FMN1: variants seen among roughly 807,000 people sequenced by gnomAD.
FMN1 encodes formin-1.
Under a neutral mutation model 132.4 loss-of-function variants are expected in FMN1, and 110 were observed. The observed-to-expected ratio is 0.83, with a 90% CI of 0.71 to 0.97. The LOEUF is 0.97. Among genes scored for constraint, FMN1 ranks in the 50% least tolerant of loss-of-function variants. The pLI is 0.00. For synonymous variants in FMN1, 722 were observed against 651.7 expected (o/e 1.11, Z -1.64); for missense variants, 1,792 against 1,705.3 (o/e 1.05, Z -0.90).
At chr15:32,967,974 A>G (rs2031400606) in intron 8 of FMN1, among the ~76,000 whole-genome samples, 1 of 152,372 alleles carries the variant, frequency 6.6e-6, no homozygotes, top group South Asian at 2.1e-4. Flanking sequence ...GCTCAGAAAT[A>G]AGGCAGAACA....
chr15:33,000,119 G>A (rs1038234891), intron 7 of FMN1, among the ~76,000 whole-genome samples: 1 of 152,178 alleles, frequency 6.6e-6, no homozygotes, highest in African/African-American at 2.4e-5. Context: ...CTGCTGACTA[G>A]GAAGGAGAAC....
chr15:33,024,688 A>G (rs1277486270), intron 6 of FMN1, among the ~76,000 whole-genome samples: 1 of 152,240 alleles, frequency 6.6e-6, no homozygotes, highest in Non-Finnish European at 1.5e-5. Context: ...GTAAAGGCGC[A>G]CATAAGTAAA....
rs1351791166 is a variant in FMN1 at position 32,767,239 on chromosome 15, G to A, written c.*7071C>T. The A allele has an allele frequency of 6.6e-6, 1 of 152,086 alleles. No homozygotes were observed. Among genetic ancestry groups the A allele is most frequent in the African/African-American group, 2.4e-5 (1 of 41,404 alleles). 9.4% of individuals were successfully genotyped at this position (152,086 alleles called of 1,614,324 possible). A position where few individuals can be genotyped will look rare whatever the true frequency, so the allele number is the denominator to read the frequency against. On this transcript the variant is annotated 3_prime_UTR_variant, in exon 21 of 21. Coordinates refer to ENST00000616417, the MANE Select transcript of FMN1 (RefSeq NM_001277313.2). ...TCCTTTTTTTCTTGCTCATCCCATTGCTTGCAAACTCACAAGATACCAGTT... is the reference window on the plus strand; with the variant it reads ...TCCTTTTTTTCTTGCTCATCCCATTACTTGCAAACTCACAAGATACCAGTT...
intron 6 of FMN1, among the ~76,000 whole-genome samples, chr15:33,047,184 T>C (rs966036248): frequency 6.6e-6 from 1 of 152,194 alleles, no homozygotes; most frequent in Admixed American, 6.5e-5. Context: ...CTGATTCTTT[T>C]CCCCCACCAT....
intron 11 of FMN1, among the ~76,000 whole-genome samples, chr15:32,909,238 T>C (rs745393264): frequency 3.2e-4 from 47 of 144,872 alleles, no homozygotes; most frequent in Non-Finnish European, 6.9e-4. Context: ...TGAACCACTG[T>C]ATCCTCATTT....
intron 3 of FMN1, among the ~76,000 whole-genome samples, chr15:33,169,411 T>C (rs1217749248): frequency 6.6e-6 from 1 of 152,170 alleles, no homozygotes; most frequent in Non-Finnish European, 1.5e-5. Flanking sequence ...GAATTTGACA[T>C]TGCTAAAACT....
At chr15:33,134,034 G>A (rs941977752) in intron 4 of FMN1, among the ~76,000 whole-genome samples, 1 of 152,112 alleles carries the variant, frequency 6.6e-6, no homozygotes, top group Admixed American at 6.6e-5. Flanking sequence ...GCTCACTGCA[G>A]CCTTGAACTC....
At chr15:32,832,543 G>C (rs924374172) in intron 17 of FMN1, among the ~76,000 whole-genome samples, 3 of 152,098 alleles carry the variant, frequency 2.0e-5, no homozygotes, top group African/African-American at 7.2e-5. Context: ...ACTTTGGGAG[G>C]CCGAGGCGGG....
chr15:32,797,525 G>A (rs751869183), intron 19 of FMN1, among the ~76,000 whole-genome samples: 3 of 152,126 alleles, frequency 2.0e-5, no homozygotes, highest in Admixed American at 6.5e-5. Context: ...AAGAACTATG[G>A]GTTGGGTGCC....
At chr15:32,858,254 G>T (rs1010916057) in intron 16 of FMN1, among the ~76,000 whole-genome samples, 3 of 152,176 alleles carry the variant, frequency 2.0e-5, no homozygotes, top group Non-Finnish European at 2.9e-5. Flanking sequence ...TGCAGGCAAA[G>T]CAATAAACAT....
intron 9 of FMN1, among the ~76,000 whole-genome samples, chr15:32,955,386 T>C (rs894777054): frequency 2.0e-5 from 3 of 152,198 alleles, no homozygotes; most frequent in African/African-American, 7.2e-5. Flanking sequence ...TTCAAAAGCA[T>C]CCATGTGACC....
At chr15:33,062,259 C>T (rs762832690) in intron 6 of FMN1, among the ~76,000 whole-genome samples, 23 of 152,156 alleles carry the variant, frequency 1.5e-4, no homozygotes, top group Non-Finnish European at 3.2e-4. Flanking sequence ...CAAAGACTTA[C>T]AGTAGTTATT....
In FMN1 at chr15:32,955,101, A is replaced by G. The variant is rs111893337; in HGVS notation, c.3138+9006T>C. Among the ~76,000 whole-genome samples the G allele has an allele frequency of 8.5e-4, 129 of 152,338 alleles. No individual in the cohort carries two copies. In the Middle Eastern group the frequency reaches 0.01, roughly 12 times the overall value. On this transcript the variant is annotated intron_variant, in intron 9 of 20. Transcript: ENST00000616417. ...CTAAACTCCAGTTTTCTCATGTATA[A>G]AACAGGAACAATAATAGGAACCGTC... is the stretch of plus-strand genomic sequence containing the variant.
At chr15:32,897,042 G>A (rs190296070) in intron 15 of FMN1, among the ~76,000 whole-genome samples, 1 of 152,026 alleles carries the variant, frequency 6.6e-6, no homozygotes, top group African/African-American at 2.4e-5. Context: ...GTGCTAACTG[G>A]TTCCATTTTT....
chr15:32,835,899 T>TAC (rs2058611945), intron 17 of FMN1, among the ~76,000 whole-genome samples: 2 of 152,150 alleles, frequency 1.3e-5, no homozygotes, highest in Non-Finnish European at 2.9e-5. Context: ...CTCACTCTGT[T>TAC]ACCCAGGCCG....
intron 7 of FMN1, among the ~76,000 whole-genome samples, chr15:32,977,145 C>T (rs979962913): frequency 6.6e-6 from 1 of 152,146 alleles, no homozygotes; most frequent in Non-Finnish European, 1.5e-5. Context: ...AATGCATTTG[C>T]ATTACATCAA....
chr15:32,986,871 T>C (rs1048784930), intron 7 of FMN1, among the ~76,000 whole-genome samples: 3 of 152,214 alleles, frequency 2.0e-5, no homozygotes, highest in Admixed American at 6.5e-5. Flanking sequence ...ATAATTGTTA[T>C]AAGAATTACG....
At chr15:33,163,743 A>G in intron 3 of FMN1, among the ~76,000 whole-genome samples, 1 of 151,152 alleles carries the variant, frequency 6.6e-6, no homozygotes, top group East Asian at 2.0e-4. Context: ...TCAGCCTCCC[A>G]AGTAGCTGGG....
chr15:32,776,974 A>G lies in FMN1; in HGVS notation c.4131-55T>C, dbSNP rs1420980918. 2.8e-6 allele frequency: 3 copies of G among 1,076,524 alleles called. No individual in the cohort carries two copies. The African/African-American group carries it at 4.7e-5, about 17-fold the overall frequency. 66.7% of individuals were successfully genotyped at this position (1,076,524 alleles called of 1,614,324 possible). A position where few individuals can be genotyped will look rare whatever the true frequency, so the allele number is the denominator to read the frequency against. ...AGAGAGGGAAAAGAAAGGAAGAGGG[A>G]AAAGGAAAGAAGAAAAGAGTTAAGG... On this transcript the variant is annotated intron_variant, in intron 19 of 20. Coordinates refer to ENST00000616417, the MANE Select transcript of FMN1 (RefSeq NM_001277313.2).
Sources: allele counts gnomAD v4.1 joint callset (sites outside exome capture counted in the v4.1 genomes callset), GRCh38; gene constraint gnomAD v4.1.1; transcripts MANE v1.5; gene names NCBI Gene and HGNC (gene_info 2026-07-23, HGNC 2026-07-21).